The following GLG1 variants were observed in gnomAD, a reference collection of about 807,000 sequenced individuals.
The protein encoded by GLG1 is golgi glycoprotein 1.
In GLG1, 38 loss-of-function variants were observed where a neutral mutation model predicts 160.5. That is an observed-to-expected ratio of 0.24 (90% CI 0.18 to 0.31). The LOEUF (loss-of-function observed/expected upper bound fraction) is 0.31, where lower values mean the gene tolerates loss of function less well. GLG1 is among the 10% of genes least tolerant of loss of function. The pLI, the probability that GLG1 is intolerant of heterozygous loss-of-function variation, is 1.00. For missense variants in GLG1, 1,373 were observed against 1,505.2 expected (o/e 0.91, Z 1.45); for synonymous variants, 644 against 543.4 (o/e 1.19, Z -2.57).
intron 1 of GLG1, among the ~76,000 whole-genome samples, chr16:74,573,798 CTTT>C (rs74457179): frequency 1.4e-5 from 2 of 142,422 alleles, no homozygotes; most frequent in South Asian, 2.2e-4. Flanking sequence ...TATCTAGCGT[CTTT>C]TTTTTTTTTT....
chr16:74,582,777 G>A (rs1288440162), intron 1 of GLG1, among the ~76,000 whole-genome samples: 6 of 151,654 alleles, frequency 4.0e-5, no homozygotes, highest in South Asian at 2.1e-4. Context: ...CCGAGATCGC[G>A]CCACTGCACT....
At chr16:74,603,947 C>T (rs1390492833) in intron 1 of GLG1, among the ~76,000 whole-genome samples, 1 of 151,234 alleles carries the variant, frequency 6.6e-6, no homozygotes, top group Non-Finnish European at 1.5e-5. Context: ...CCATGATATA[C>T]TTGGCCTTTT....
chr16:74,496,257 G>C (rs191358356), intron 5 of GLG1, among the ~76,000 whole-genome samples, 184 bp downstream of exon 5: 63 of 152,066 alleles, frequency 4.1e-4, no homozygotes, highest in Admixed American at 1.6e-3. Context: ...ACCACAGCAA[G>C]ATCCTGTCTC....
At chr16:74,510,808 G>A (rs1427103082) in intron 2 of GLG1, among the ~76,000 whole-genome samples, 2 of 152,186 alleles carry the variant, frequency 1.3e-5, no homozygotes, top group African/African-American at 4.8e-5. Flanking sequence ...CAATGGCAGG[G>A]AGTATGATCA....
chr16:74,565,447 T>G (rs1464452722), intron 1 of GLG1, among the ~76,000 whole-genome samples: 1 of 152,206 alleles, frequency 6.6e-6, no homozygotes, highest in African/African-American at 2.4e-5. Flanking sequence ...TCTCAGTACA[T>G]AGGGAACTGT....
chr16:74,529,812 C>CTTTTTTTTTTT (rs1178684020), intron 2 of GLG1, among the ~76,000 whole-genome samples: 1 of 115,792 alleles, frequency 8.6e-6, no homozygotes. Flanking sequence ...TTTGAGAGTT[C>CTTTTTTTTTTT]TTTTTTTTTT....
intron 1 of GLG1, among the ~76,000 whole-genome samples, chr16:74,565,737 A>T (rs547571078): frequency 6.6e-6 from 1 of 152,272 alleles, no homozygotes; most frequent in South Asian, 2.1e-4. Flanking sequence ...CTGATTCGCA[A>T]ATTATTCTTT....
intron 22 of GLG1, 200 bp downstream of exon 22, chr16:74,461,894 A>G: frequency 2.0e-6 from 1 of 499,304 alleles, no homozygotes; most frequent in East Asian, 3.3e-5. Flanking sequence ...ATATGGAACA[A>G]CGCTTTAGAG....
intron 2 of GLG1, among the ~76,000 whole-genome samples, chr16:74,528,191 G>C (rs2017402076): frequency 1.3e-5 from 2 of 151,994 alleles, no homozygotes; most frequent in South Asian, 4.2e-4. Context: ...AATAGAGACA[G>C]GATTTCACCA....
intron 2 of GLG1, among the ~76,000 whole-genome samples, chr16:74,519,197 A>T (rs1256716156): frequency 6.6e-6 from 1 of 152,208 alleles, no homozygotes; most frequent in Admixed American, 6.5e-5. Flanking sequence ...GACATGGATG[A>T]AGCTGGAAAC....
At chr16:74,594,446 C>A (rs1368481024) in intron 1 of GLG1, among the ~76,000 whole-genome samples, 1 of 152,146 alleles carries the variant, frequency 6.6e-6, no homozygotes, top group Non-Finnish European at 1.5e-5. Flanking sequence ...ACTACAGATG[C>A]CTGGTTCTCT....
chr16:74,456,782 G>T (rs200512790), intron 24 of GLG1, 27 bp from the exon 25 acceptor site: 1 of 1,334,098 alleles, frequency 7.5e-7, no homozygotes. Context: ...ATAATAAGAA[G>T]AACCTGAAAC....
intron 1 of GLG1, among the ~76,000 whole-genome samples, chr16:74,592,913 G>A (rs1365974934): frequency 6.6e-6 from 1 of 152,106 alleles, no homozygotes; most frequent in African/African-American, 2.4e-5. Flanking sequence ...ACCTTTAAGA[G>A]CTCACTAGGT....
At chr16:74,480,806 C>A (rs1334807017) in intron 10 of GLG1, among the ~76,000 whole-genome samples, 1 of 152,104 alleles carries the variant, frequency 6.6e-6, no homozygotes, top group African/African-American at 2.4e-5. Context: ...CCTGCCTTGG[C>A]CTCTCAAAGT....
At chr16:74,525,628 T>C (rs1181884562) in intron 2 of GLG1, among the ~76,000 whole-genome samples, 2 of 150,454 alleles carry the variant, frequency 1.3e-5, no homozygotes, top group Non-Finnish European at 3.0e-5. Flanking sequence ...ATGTTGAGCA[T>C]CTTTTCATGT....
At chr16:74,505,728 G>A (rs906073219) in intron 3 of GLG1, among the ~76,000 whole-genome samples, 3 of 152,186 alleles carry the variant, frequency 2.0e-5, no homozygotes, top group Non-Finnish European at 4.4e-5. Context: ...GGCGGCGTGC[G>A]CCTGTAGTCC....
chr16:74,496,117 A>C (rs1220789812), intron 5 of GLG1, among the ~76,000 whole-genome samples: 7 of 152,108 alleles, frequency 4.6e-5, no homozygotes, highest in Non-Finnish European at 7.4e-5. Context: ...TTTTTAAAAA[A>C]ATTGGCCAGG....
chr16:74,499,445 A>T (rs949013032), intron 4 of GLG1, among the ~76,000 whole-genome samples: 3 of 152,078 alleles, frequency 2.0e-5, no homozygotes, highest in Non-Finnish European at 4.4e-5. Flanking sequence ...TCCTATGTTT[A>T]TATGTACTTA....
intron 2 of GLG1, among the ~76,000 whole-genome samples, chr16:74,516,385 C>G (rs961798176): frequency 1.4e-4 from 21 of 151,778 alleles, no homozygotes; most frequent in Non-Finnish European, 2.8e-4. Flanking sequence ...CAAACTAGAA[C>G]TCAGGATTAA....
Sources: gnomAD v4.1 joint callset for allele counts (sites outside exome capture counted in the v4.1 genomes callset) on GRCh38, gnomAD v4.1.1 for gene constraint, MANE v1.5 for transcripts, NCBI Gene and HGNC (gene_info 2026-07-23, HGNC 2026-07-21) for gene names.